Variants in CDH11 observed in about 807,000 individuals in gnomAD.
CDH11 encodes cadherin-11.
In CDH11, 11 loss-of-function variants were observed where a neutral mutation model predicts 67.8. That is an observed-to-expected ratio of 0.16 (90% confidence interval 0.10 to 0.27). The LOEUF (loss-of-function observed/expected upper bound fraction) is 0.27, where lower values mean the gene tolerates loss of function less well. CDH11 is among the 10% of genes least tolerant of loss of function. The pLI, the probability that CDH11 is intolerant of heterozygous loss-of-function variation, is 1.00. For synonymous variants in CDH11, 419 were observed against 400.0 expected (o/e 1.05, Z -0.57); for missense variants, 847 against 1,031.2 (o/e 0.82, Z 2.45).
chr16:64,982,037 T>A lies in CDH11; in HGVS notation c.1253+11A>T. 6.3e-7 allele frequency: 1 copy of A among 1,580,396 alleles called. No individual in the cohort carries two copies. Among genetic ancestry groups the A allele is most frequent in the Non-Finnish European group, 8.6e-7 (1 of 1,162,336 alleles). ...TCCCCATCCAAGCTCTTAAAATAAA[T>A]CCGTCTGTACCTTATCGGGCTGTTG... On this transcript the variant is annotated intron_variant, in intron 8 of 12. Coordinates refer to ENST00000268603, the MANE Select transcript of CDH11 (RefSeq NM_001797.4).
chr16:64,988,451 T>C, intron 6 of CDH11, 107 bp from the exon 7 acceptor site: 1 of 1,022,002 alleles, frequency 9.8e-7, no homozygotes, highest in South Asian at 1.7e-5. Context: ...GAAATTGAAC[T>C]TTCTATTGAC....
At position 65,030,774 on chromosome 16, in the gene CDH11, G is replaced by A. The variant is rs528356238; in HGVS notation, c.-173+23030C>T. On this transcript the variant is annotated intron_variant, in intron 2 of 12. Coordinates refer to ENST00000268603, the MANE Select transcript of CDH11 (RefSeq NM_001797.4). Reference sequence around the variant, plus strand: ...TTAGTAGTTTCACCATGTTGCACAGGCTTGTCTCAAACTCCTGAGCTCAGA... The same window carrying A: ...TTAGTAGTTTCACCATGTTGCACAGACTTGTCTCAAACTCCTGAGCTCAGA... Among the ~76,000 whole-genome samples the A allele has an allele frequency of 1.4e-4, 22 of 152,248 alleles. No individual in the cohort carries two copies. In the East Asian group the frequency reaches 4.3e-3, roughly 29 times the overall value.
chr16:65,062,911 C>A (rs2074255038), intron 1 of CDH11, among the ~76,000 whole-genome samples: 1 of 152,198 alleles, frequency 6.6e-6, no homozygotes, highest in Non-Finnish European at 1.5e-5. Flanking sequence ...CACAGAGGGG[C>A]TGACGTGAGC....
chr16:65,060,485 CT>C (rs796397259), intron 1 of CDH11, among the ~76,000 whole-genome samples: 53 of 151,842 alleles, frequency 3.5e-4, no homozygotes, highest in African/African-American at 1.1e-3. Context: ...ACTTTTTAAA[CT>C]TTTTTTTAGG....
At chr16:65,016,436 G>C (rs1264363456) in intron 2 of CDH11, among the ~76,000 whole-genome samples, 1 of 152,102 alleles carries the variant, frequency 6.6e-6, no homozygotes, top group Non-Finnish European at 1.5e-5. Context: ...TTCTTAGACA[G>C]GCAGGACTTT....
rs551918062 is a variant in CDH11 at position 64,973,012 on chromosome 16, C to T, written c.1282G>A (p.Asp428Asn). The T allele has an allele frequency of 1.1e-5, 17 of 1,613,604 alleles. No homozygotes were observed. In the African/African-American group the frequency reaches 1.1e-4, roughly 10 times the overall value. Residue 428 changes from aspartate to asparagine, a missense_variant, in exon 9 of 13, where the codon GAC becomes AAC. Asp to Asn is a conservative substitution (Grantham distance 23). Coordinates refer to ENST00000268603, the MANE Select transcript of CDH11 (RefSeq NM_001797.4). ...RYSIDRHTDL[D>N]RFFTINPEDG... ...TCTGGATTAATAGTGAAAAATCTGT[C>T]GAGGTCAGTGTGACGATCGATGGAA...
At chr16:64,996,703 T>C (rs1023771778) in intron 4 of CDH11, among the ~76,000 whole-genome samples, 1 of 152,174 alleles carries the variant, frequency 6.6e-6, no homozygotes, top group African/African-American at 2.4e-5. Flanking sequence ...CATGGAATAC[T>C]ATGCATGGTG....
intron 11 of CDH11, among the ~76,000 whole-genome samples, chr16:64,954,941 TA>T (rs1283961121): frequency 3.1e-5 from 2 of 64,304 alleles, no homozygotes; most frequent in Non-Finnish European, 3.4e-5. Context: ...CTCTCTCTAC[TA>T]AAAAATAAAA....
upstream of CDH11, among the ~76,000 whole-genome samples, chr16:65,123,241 G>T (rs147559004): frequency 1.3e-3 from 200 of 152,250 alleles, no homozygotes; most frequent in African/African-American, 4.7e-3. Flanking sequence ...AGTTTGCAGG[G>T]TGGGAGGTGG....
chr16:64,977,753 A>AGCCTTCTCTGAGCCTTGCTCTGAGCC (rs1476227337), intron 8 of CDH11, among the ~76,000 whole-genome samples: 2 of 152,164 alleles, frequency 1.3e-5, no homozygotes, highest in East Asian at 3.9e-4. Flanking sequence ...AAGTCTCATC[A>AGCCTTCTCTGAGCCTTGCTCTGAGCC]TTGCTCTGAG....
chr16:65,014,002 C>G (rs1240050212), intron 2 of CDH11, among the ~76,000 whole-genome samples: 3 of 152,196 alleles, frequency 2.0e-5, no homozygotes, highest in Admixed American at 6.5e-5. Flanking sequence ...TGCTGTAACA[C>G]AGAACATGGC....
chr16:64,946,391 G>A lies in CDH11; in HGVS notation c.*1212C>T, dbSNP rs1357540039. 1.9e-6 allele frequency: 2 copies of A among 1,036,814 alleles called. No homozygotes were observed. The highest frequency in any genetic ancestry group is 1.7e-5 in the African/African-American group (1 of 59,600). The allele number at this position is 1,036,814 out of a possible 1,614,324, so 64.2% of individuals were successfully genotyped here. A position where few individuals can be genotyped will look rare whatever the true frequency, so the allele number is the denominator to read the frequency against. ...CATAGAATGTATACCTGGAACATTA[G>A]AGTTCTGATAGCTCCATTCCCTCAT... On this transcript the variant is annotated 3_prime_UTR_variant, in exon 13 of 13. Coordinates refer to ENST00000268603, the MANE Select transcript of CDH11 (RefSeq NM_001797.4).
chr16:65,022,721 T>C (rs566021333), intron 2 of CDH11, among the ~76,000 whole-genome samples: 1 of 152,216 alleles, frequency 6.6e-6, no homozygotes, highest in African/African-American at 2.4e-5. Context: ...CAAACTCCTC[T>C]GAGTATCCCA....
At chr16:65,008,503 T>C (rs11640810) in intron 2 of CDH11, among the ~76,000 whole-genome samples, 37,392 of 152,202 alleles carry the variant, frequency 0.25, 5,395 homozygotes, top group South Asian at 0.33. Flanking sequence ...CCTTAGCTAC[T>C]GTTCTAAAAG....
In CDH11 at chr16:64,991,778, C is replaced by T; in HGVS notation, c.801G>A (p.Lys267=). 1 of 1,613,106 alleles carries T rather than the reference C, an allele frequency of 6.2e-7. No homozygotes were observed. The highest frequency in any genetic ancestry group is 8.5e-7 in the Non-Finnish European group (1 of 1,179,220). The part of the protein sequence containing the change: ...TLTDVNDNPP[K]FPQSVYQMSV... ...AGTCCACCTACTTACTCTGCGGAAA[C>T]TTTGGTGGGTTGTCATTGACATCGG... The change falls in exon 6 of 13, where the codon AAG becomes AAA. Residue 267 remains lysine, a synonymous_variant. Transcript: ENST00000268603.
At chr16:65,080,297 A>C (rs78637812) in intron 1 of CDH11, among the ~76,000 whole-genome samples, 3 of 151,816 alleles carry the variant, frequency 2.0e-5, no homozygotes, top group Non-Finnish European at 2.9e-5. Flanking sequence ...AAAAAAAAAA[A>C]CCTGTGCATT....
At chr16:65,115,394 T>C (rs1281931780) in intron 1 of CDH11, among the ~76,000 whole-genome samples, 1 of 152,130 alleles carries the variant, frequency 6.6e-6, no homozygotes, top group Non-Finnish European at 1.5e-5. Flanking sequence ...AAATGTTCAA[T>C]GCAAGATTTC....
At chr16:65,014,918 C>T (rs528972655) in intron 2 of CDH11, among the ~76,000 whole-genome samples, 4 of 151,572 alleles carry the variant, frequency 2.6e-5, no homozygotes, top group South Asian at 2.1e-4. Flanking sequence ...TGCAATGGCA[C>T]GATCTCAGCT....
At chr16:65,093,554 G>GA (rs2074831491) in intron 1 of CDH11, among the ~76,000 whole-genome samples, 1 of 151,980 alleles carries the variant, frequency 6.6e-6, no homozygotes, top group Admixed American at 6.6e-5. Flanking sequence ...TTTTCGACAT[G>GA]AATTTTGAAG....
Sources: gnomAD v4.1 joint callset for allele counts (sites outside exome capture counted in the v4.1 genomes callset) on GRCh38, gnomAD v4.1.1 for gene constraint, MANE v1.5 for transcripts, NCBI Gene and HGNC (gene_info 2026-07-23, HGNC 2026-07-21) for gene names.